Variants in DMXL2 observed in about 807,000 individuals in gnomAD.
DMXL2 encodes the protein dmX-like protein 2.
A neutral mutation model predicts 331.1 loss-of-function variants in DMXL2; 103 were observed. The observed-to-expected ratio is 0.31, with a 90% CI of 0.27 to 0.37. DMXL2 has a LOEUF of 0.37. Among genes scored for constraint, DMXL2 ranks in the 10% least tolerant of loss-of-function variants. DMXL2 has a pLI of 1.00. For synonymous variants in DMXL2, 1,281 were observed against 1,252.1 expected, an observed-to-expected ratio of 1.02 and a Z score of -0.49; for missense variants, 3,171 against 3,642.9, an observed-to-expected ratio of 0.87 and a Z score of 3.33.
chr15:51,543,275 TTTA>T (rs1392679349), intron 8 of DMXL2, among the ~76,000 whole-genome samples: 17 of 152,192 alleles, frequency 1.1e-4, no homozygotes, highest in African/African-American at 3.9e-4. Context: ...ATAATAATTT[TTTA>T]TTACTTTCCT....
intron 1 of DMXL2, among the ~76,000 whole-genome samples, chr15:51,604,291 A>C (rs1255350474): frequency 6.7e-6 from 1 of 149,864 alleles, no homozygotes; most frequent in East Asian, 1.9e-4. Flanking sequence ...AAAACCTAGT[A>C]CTGCAATAAG....
At chr15:51,511,736 C>A (rs140209875) in intron 15 of DMXL2, among the ~76,000 whole-genome samples, 143 of 152,294 alleles carry the variant, frequency 9.4e-4, no homozygotes, top group African/African-American at 3.2e-3. Flanking sequence ...AAGACACATG[C>A]ACATGTATGT....
At position 51,498,834 on chromosome 15, in the gene DMXL2, G is replaced by T. The variant is rs753904885; in HGVS notation, c.4390C>A (p.Pro1464Thr). 5 of 1,614,104 alleles carry T rather than the reference G, an allele frequency of 3.1e-6. No homozygotes were observed. In the Middle Eastern group the frequency reaches 4.9e-4, roughly 160 times the overall value. Residue 1464 changes from proline to threonine, a missense_variant, in exon 18 of 44, where the codon CCA becomes ACA. Pro to Thr is a conservative substitution (Grantham distance 38, BLOSUM62 -1). Around this residue, in one of 7 missense-constraint regions of DMXL2, gnomAD observed 1,674 missense variants for 1,780.2 expected, o/e 0.94. Transcript: ENST00000560891. ...QSYEDQTVSQ[P>T]EDQYSELFQI... The stretch of plus-strand genomic sequence containing the variant: ...AACAGCTCTGAATACTGATCCTCTG[G>T]TTGACTTACTGTCTGATCTTCATAG...
intron 8 of DMXL2, among the ~76,000 whole-genome samples, chr15:51,543,388 C>T (rs2048711509): frequency 6.6e-6 from 1 of 152,158 alleles, no homozygotes; most frequent in African/African-American, 2.4e-5. Context: ...TACAGCCCTT[C>T]TCATTTTGCA....
At chr15:51,513,716 T>C (rs929786365) in intron 15 of DMXL2, among the ~76,000 whole-genome samples, 4 of 152,160 alleles carry the variant, frequency 2.6e-5, no homozygotes, top group Admixed American at 2.6e-4. Flanking sequence ...TGAAAACCCT[T>C]TGTAAACTAA....
chr15:51,549,331 T>TAC lies in DMXL2; in HGVS notation c.568-1924_568-1923insGT, dbSNP rs1231701284. 2.0e-5 allele frequency among the ~76,000 whole-genome samples: 3 copies of TAC among 151,850 alleles called. No individual in the cohort carries two copies. In the East Asian group the frequency reaches 5.8e-4, roughly 29 times the overall value. On this transcript the variant is annotated intron_variant, in intron 6 of 43. Coordinates refer to ENST00000560891, the MANE Select transcript of DMXL2 (RefSeq NM_001378457.1). Reference sequence around the variant, plus strand: ...AATAGCATTCCATGGTGTGTATATATATATACCACAATTTCTTTATCCACT... The same window carrying TAC: ...AATAGCATTCCATGGTGTGTATATATACATATACCACAATTTCTTTATCCACT...
At chr15:51,523,558 A>T (rs1260891338) in intron 13 of DMXL2, among the ~76,000 whole-genome samples, 2 of 152,226 alleles carry the variant, frequency 1.3e-5, no homozygotes, top group Non-Finnish European at 1.5e-5. Flanking sequence ...TAACTAGTTT[A>T]AAAAAAGGTC....
At chr15:51,616,137 C>A (rs2054270344) in intron 1 of DMXL2, among the ~76,000 whole-genome samples, 1 of 152,136 alleles carries the variant, frequency 6.6e-6, no homozygotes, top group African/African-American at 2.4e-5. Context: ...CAATGATAAT[C>A]CATCTAAGAG....
At chr15:51,458,852 T>G (rs886271052) in intron 34 of DMXL2, 57 bp from the exon 35 acceptor site, 1 of 1,381,578 alleles carries the variant, frequency 7.2e-7, no homozygotes, top group Non-Finnish European at 1.0e-6. Flanking sequence ...TTTAGAGTTA[T>G]GCACATCCCA....
intron 33 of DMXL2, among the ~76,000 whole-genome samples, chr15:51,462,460 C>T (rs183921024): frequency 2.6e-5 from 4 of 152,178 alleles, no homozygotes; most frequent in Admixed American, 1.3e-4. Flanking sequence ...CTCAACCTCC[C>T]GAGCAGCTGG....
intron 33 of DMXL2, among the ~76,000 whole-genome samples, chr15:51,460,850 ATC>A (rs1566981259): frequency 1.3e-5 from 2 of 151,702 alleles, no homozygotes; most frequent in African/African-American, 4.8e-5. Flanking sequence ...TTTTTTTCAG[ATC>A]TGAGCTATTC....
At chr15:51,467,412 T>A (rs1289140624) in intron 29 of DMXL2, among the ~76,000 whole-genome samples, 4 of 152,066 alleles carry the variant, frequency 2.6e-5, no homozygotes, top group African/African-American at 9.7e-5. Flanking sequence ...TATCTCTAGA[T>A]AAAGTATCCA....
chr15:51,543,475 A>G (rs2048718372), intron 8 of DMXL2, among the ~76,000 whole-genome samples: 1 of 152,206 alleles, frequency 6.6e-6, no homozygotes. Context: ...TTGCTTTGAT[A>G]ATAGGGTTAA....
chr15:51,591,748 C>T (rs748036147), intron 1 of DMXL2, among the ~76,000 whole-genome samples: 34 of 151,364 alleles, frequency 2.2e-4, no homozygotes, highest in African/African-American at 6.3e-4. Context: ...AGGAACGATC[C>T]GCTGTTCACC....
Position 51,622,551 on chromosome 15 carries a change from G to A in DMXL2, c.-6C>T, listed in dbSNP as rs1331773745. On this transcript the variant is annotated 5_prime_UTR_variant, in exon 1 of 44. Transcript: ENST00000560891. ...AGGACCTGATGCAGATGCATCTCCG[G>A]AGCCCGGGCTGGACAGAATGCGCGG... 10 of 1,551,638 alleles carry A rather than the reference G, an allele frequency of 6.4e-6. No homozygotes were observed. The East Asian group carries it at 2.2e-4, about 34-fold the overall frequency.
At chr15:51,521,207 C>T (rs1405280519) in intron 13 of DMXL2, among the ~76,000 whole-genome samples, 1 of 152,066 alleles carries the variant, frequency 6.6e-6, no homozygotes, top group Admixed American at 6.5e-5. Flanking sequence ...AGCTAGGCTG[C>T]TTGGGTTCAA....
chr15:51,502,394 C>G (rs561127510), intron 17 of DMXL2, among the ~76,000 whole-genome samples: 1 of 151,058 alleles, frequency 6.6e-6, no homozygotes, highest in Admixed American at 6.6e-5. Flanking sequence ...GTGATGTCAG[C>G]TCACTGCCGC....
At chr15:51,513,567 G>A (rs986121801) in intron 15 of DMXL2, among the ~76,000 whole-genome samples, 6 of 152,146 alleles carry the variant, frequency 3.9e-5, no homozygotes, top group Admixed American at 1.3e-4. Flanking sequence ...TCACTAAAGC[G>A]AAGGAAATTG....
chr15:51,459,480 G>C (rs1566979656), intron 34 of DMXL2, 118 bp downstream of exon 34: 1 of 738,738 alleles, frequency 1.4e-6, no homozygotes, highest in Non-Finnish European at 2.0e-6. Context: ...TGGTATGGGA[G>C]TACTATGAGT....
Sources: allele counts gnomAD v4.1 joint callset (sites outside exome capture counted in the v4.1 genomes callset), GRCh38; gene constraint gnomAD v4.1.1; regional missense constraint gnomAD v4.1.1; transcripts MANE v1.5; gene names NCBI Gene and HGNC (gene_info 2026-07-23, HGNC 2026-07-21).